The following ACSL3 variants were observed in gnomAD, a reference collection of about 807,000 sequenced individuals.
ACSL3 encodes the protein fatty acid CoA ligase Acsl3.
A neutral mutation model predicts 84.7 loss-of-function variants in ACSL3; 34 were observed. The observed-to-expected ratio is 0.40, with a 90% CI of 0.31 to 0.53. The LOEUF is 0.53. ACSL3 is among the 20% of genes least tolerant of loss of function. The pLI, the probability that ACSL3 is intolerant of heterozygous loss-of-function variation, is 0.48. For synonymous variants in ACSL3, 315 were observed against 299.4 expected, an observed-to-expected ratio of 1.05 and a Z score of -0.54; for missense variants, 680 against 873.1, an observed-to-expected ratio of 0.78 and a Z score of 2.79.
rs2106104055 is a variant in ACSL3, at chr2:222,892,621, T to C, written c.-148+4733T>C. Among the ~76,000 whole-genome samples, 3 of 152,294 alleles carry C rather than the reference T, an allele frequency of 2.0e-5. No individual in the cohort carries two copies. The Middle Eastern group carries it at 0.01, about 518-fold the overall frequency. ...AGTGTGTATGACTGTCACCTAACTT[T>C]TGTGGAAAGGAGACTCTCAAAAGTA... On this transcript the variant is annotated intron_variant, in intron 2 of 16. Transcript: ENST00000357430.
chr2:222,924,336 A>G lies in ACSL3; in HGVS notation c.1153-120A>G, dbSNP rs568238918. On this transcript the variant is annotated intron_variant, in intron 10 of 16. Coordinates refer to ENST00000357430, the MANE Select transcript of ACSL3 (RefSeq NM_004457.5). ...TTCCTTCTTGCTGAATCACATCCACAGTTGAAGAGTACTTCTTTTAAAATG... is the reference window on the plus strand; with the variant it reads ...TTCCTTCTTGCTGAATCACATCCACGGTTGAAGAGTACTTCTTTTAAAATG... The G allele has an allele frequency of 2.4e-5, 20 of 845,108 alleles. No individual in the cohort carries two copies. In the African/African-American group the frequency reaches 3.2e-4, roughly 14 times the overall value. The allele number at this position is 845,108 out of a possible 1,614,324, so 52.4% of individuals were successfully genotyped here.
chr2:222,923,741 A>T (rs1301164167), intron 10 of ACSL3, among the ~76,000 whole-genome samples: 3 of 152,180 alleles, frequency 2.0e-5, no homozygotes, highest in Non-Finnish European at 4.4e-5. Flanking sequence ...CTAAATGCTT[A>T]CGTCAAGAAT....
intron 2 of ACSL3, among the ~76,000 whole-genome samples, chr2:222,894,806 CT>C (rs1695931255): frequency 6.6e-6 from 1 of 152,182 alleles, no homozygotes; most frequent in Non-Finnish European, 1.5e-5. Flanking sequence ...ATGTAGCTTA[CT>C]TTTAATGGCT....
intron 1 of ACSL3, among the ~76,000 whole-genome samples, chr2:222,883,305 CT>C (rs968954187): frequency 1.3e-5 from 2 of 151,502 alleles, no homozygotes; most frequent in Admixed American, 6.6e-5. Flanking sequence ...GTCAGTCAGC[CT>C]CTCTAGTAGC....
At chr2:222,890,923 G>A (rs149277792) in intron 2 of ACSL3, among the ~76,000 whole-genome samples, 6 of 152,302 alleles carry the variant, frequency 3.9e-5, no homozygotes, top group East Asian at 1.9e-4. Flanking sequence ...GATTACAGGC[G>A]TGAGCCATTG....
intron 14 of ACSL3, 152 bp downstream of exon 14, chr2:222,930,964 G>A (rs1004120430): frequency 1.0e-5 from 7 of 668,760 alleles, no homozygotes; most frequent in Non-Finnish European, 1.6e-5. Context: ...AAATATTACG[G>A]ACTGTGGAAT....
Position 222,941,909 on chromosome 2 carries a change from T to C in ACSL3, c.*255T>C, listed in dbSNP as rs1011944189. ...GTACTTGTCAGTATGAGAATTTTTC[T>C]GAATCATATTGGGGAAGCAGTGATT... On this transcript the variant is annotated 3_prime_UTR_variant, in exon 17 of 17. Transcript: ENST00000357430. 6.0e-6 allele frequency: 2 copies of C among 333,498 alleles called. No homozygotes were observed. The highest frequency in any genetic ancestry group is 4.2e-5 in the African/African-American group (2 of 47,614). The allele number at this position is 333,498 out of a possible 1,614,324, so 20.7% of individuals were successfully genotyped here.
rs1392233559 is a variant in ACSL3, at chr2:222,927,170, G to C, written c.1446G>C (p.Gly482=). 1 of 1,613,568 alleles carries C rather than the reference G, an allele frequency of 6.2e-7. No individual in the cohort carries two copies. Among genetic ancestry groups the C allele is most frequent in the East Asian group, 2.2e-5 (1 of 44,868 alleles). The change falls in exon 12 of 17, where the codon GGG becomes GGC. Residue 482 remains glycine (G), a synonymous_variant. Coordinates refer to ENST00000357430, the MANE Select transcript of ACSL3 (RefSeq NM_004457.5). The part of the protein sequence containing the change: ...GQGYGLTESA[G]AGTISEVWDY... ...GATACGGGCTCACTGAATCTGCTGG[G>C]GCTGGAACAATTTCCGAAGGTAGTG...
At chr2:222,877,804 T>C (rs1309867328) in intron 1 of ACSL3, among the ~76,000 whole-genome samples, 1 of 152,324 alleles carries the variant, frequency 6.6e-6, no homozygotes, top group African/African-American at 2.4e-5. Context: ...CCGTAGACAA[T>C]TGGGAGCTGT....
intron 2 of ACSL3, among the ~76,000 whole-genome samples, chr2:222,897,772 AC>A (rs1421297286): frequency 2.5e-5 from 1 of 40,348 alleles, no homozygotes; most frequent in Non-Finnish European, 3.9e-5. Context: ...AAAAACGAAA[AC>A]CAGTCAGGCG....
chr2:222,899,205 A>T (rs993034644), intron 2 of ACSL3, among the ~76,000 whole-genome samples: 8 of 152,230 alleles, frequency 5.3e-5, no homozygotes, highest in South Asian at 2.1e-4. Context: ...TTAAAACTAG[A>T]TTGGAAACCT....
At chr2:222,940,327 A>G (rs1697269544) in intron 16 of ACSL3, among the ~76,000 whole-genome samples, 1 of 152,230 alleles carries the variant, frequency 6.6e-6, no homozygotes, top group Non-Finnish European at 1.5e-5. Flanking sequence ...TTCAAGGAAA[A>G]CAAATAGGCA....
intron 5 of ACSL3, chr2:222,916,760 C>T (rs148084431): frequency 1.0e-4 from 28 of 274,760 alleles, no homozygotes; most frequent in African/African-American, 4.6e-4. Context: ...ACTTAGGGGC[C>T]GTTGTTCCAA....
In ACSL3 at chr2:222,943,574, A is replaced by G. The variant is rs1192903329; in HGVS notation, c.*1920A>G. ...AGCTGATCACTGATGGAACCATCTA[A>G]TGAGGCAGGCTTAAACTCTATTTAG... is the stretch of plus-strand genomic sequence containing the variant. On this transcript the variant is annotated 3_prime_UTR_variant, in exon 17 of 17. Transcript: ENST00000357430. 2 of 155,634 alleles carry G rather than the reference A, an allele frequency of 1.3e-5. No individual in the cohort carries two copies. The highest frequency in any genetic ancestry group is 2.9e-5 in the Non-Finnish European group (2 of 70,106). 9.6% of individuals were successfully genotyped at this position (155,634 alleles called of 1,614,324 possible).
intron 11 of ACSL3, among the ~76,000 whole-genome samples, chr2:222,926,115 A>G (rs991714634): frequency 2.6e-5 from 4 of 152,212 alleles, no homozygotes; most frequent in African/African-American, 9.7e-5. Context: ...TGGGGAAAAA[A>G]CAATAAAATA....
rs1035631472 is a variant in ACSL3, at chr2:222,944,452, A to G, written c.*2798A>G. ...ACATATTGGACCACACTGAAATGTCATATATCCTTTCTCTACTTAAAATTG... is the reference window on the plus strand; with the variant it reads ...ACATATTGGACCACACTGAAATGTCGTATATCCTTTCTCTACTTAAAATTG... On this transcript the variant is annotated 3_prime_UTR_variant, in exon 17 of 17. Transcript: ENST00000357430. 3 of 152,078 alleles carry G rather than the reference A, an allele frequency of 2.0e-5. No homozygotes were observed. The highest frequency in any genetic ancestry group is 7.2e-5 in the African/African-American group (3 of 41,428). 9.4% of individuals were successfully genotyped at this position (152,078 alleles called of 1,614,324 possible). A position where few individuals can be genotyped will look rare whatever the true frequency, so the allele number is the denominator to read the frequency against.
chr2:222,903,611 A>G (rs1696212849), intron 3 of ACSL3, among the ~76,000 whole-genome samples: 1 of 152,232 alleles, frequency 6.6e-6, no homozygotes, highest in Admixed American at 6.5e-5. Flanking sequence ...GAAAAGAGTT[A>G]TATGAGTCAT....
chr2:222,916,631 G>A, intron 5 of ACSL3, 135 bp downstream of exon 5: 1 of 1,015,236 alleles, frequency 9.8e-7, no homozygotes, highest in Non-Finnish European at 1.4e-6. Flanking sequence ...GTTGTGACTT[G>A]GAATTTTTGG....
intron 12 of ACSL3, among the ~76,000 whole-genome samples, chr2:222,928,609 C>A (rs183979670): frequency 5.9e-4 from 88 of 148,772 alleles, no homozygotes; most frequent in African/African-American, 2.1e-3. Flanking sequence ...TCCACACTTA[C>A]ATCTAAAATT....
Sources: gnomAD v4.1 joint callset for allele counts (sites outside exome capture counted in the v4.1 genomes callset) on GRCh38, gnomAD v4.1.1 for gene constraint, MANE v1.5 for transcripts, NCBI Gene and HGNC (gene_info 2026-07-23, HGNC 2026-07-21) for gene names.